ARHGEF3: variants seen among roughly 807,000 people sequenced by gnomAD.
ARHGEF3 encodes the protein 59.8 kDA protein.
ARHGEF3 carries 28 observed loss-of-function variants against 63.2 expected under a neutral mutation model. The ratio of observed to expected loss-of-function variants is 0.44; its 90% CI spans 0.33 to 0.61. The LOEUF is 0.61. Ranked by LOEUF, ARHGEF3 falls within the 20% of genes least tolerant of loss-of-function variation. ARHGEF3 has a pLI of 0.03. For synonymous variants in ARHGEF3, 266 were observed against 254.2 expected (o/e 1.05, Z -0.44); for missense variants, 533 against 659.3 (o/e 0.81, Z 2.10).
chr3:56,984,622 T>G (rs1244026072), intron 2 of ARHGEF3, among the ~76,000 whole-genome samples: 5 of 152,254 alleles, frequency 3.3e-5, no homozygotes, highest in African/African-American at 1.2e-4. Flanking sequence ...GGCATAACTT[T>G]TTAAAAAATC....
intron 1 of ARHGEF3, chr3:57,073,453 G>A (rs1022886463): frequency 5.9e-6 from 3 of 506,864 alleles, no homozygotes; most frequent in African/African-American, 5.8e-5. Flanking sequence ...GAGCTTCCAA[G>A]TAGTGGAAAC....
chr3:57,014,668 T>C (rs913725325), intron 2 of ARHGEF3, among the ~76,000 whole-genome samples: 2 of 146,700 alleles, frequency 1.4e-5, no homozygotes, highest in African/African-American at 4.9e-5. Flanking sequence ...AAGCAAATAT[T>C]TATAAAGCTT....
intron 4 of ARHGEF3, among the ~76,000 whole-genome samples, chr3:56,859,465 G>A (rs2039993575): frequency 6.6e-6 from 1 of 151,272 alleles, no homozygotes; most frequent in Non-Finnish European, 1.5e-5. Flanking sequence ...AATAATAAAA[G>A]CACACCACCT....
chr3:56,908,350 C>A (rs939312434), intron 3 of ARHGEF3, among the ~76,000 whole-genome samples: 1 of 152,256 alleles, frequency 6.6e-6, no homozygotes, highest in African/African-American at 2.4e-5. Context: ...CTGTAATCCA[C>A]CTTCCACCCA....
intron 4 of ARHGEF3, among the ~76,000 whole-genome samples, chr3:56,816,858 A>G (rs2038292165): frequency 6.6e-6 from 1 of 152,224 alleles, no homozygotes; most frequent in Admixed American, 6.5e-5. Context: ...GGGAGTCCTG[A>G]GGCCAGAGCC....
At chr3:56,955,181 CT>C (rs56851084) in intron 3 of ARHGEF3, among the ~76,000 whole-genome samples, 32,594 of 143,078 alleles carry the variant, frequency 0.23, 3,672 homozygotes, top group Middle Eastern at 0.38. Flanking sequence ...GATCCTTTTT[CT>C]TTTTTTTTTT....
In ARHGEF3 at chr3:57,068,174, C is replaced by CACACAG. The variant is rs1258690581; in HGVS notation, c.-28+11051_-28+11052insCTGTGT. ...ATATGCGCGCACACACACATACACA[C>CACACAG]ACACACACACACACACCAGGTTACC... On this transcript the variant is annotated intron_variant, in intron 1 of 12. Coordinates refer to the ARHGEF3 transcript ENST00000338458. Among the ~76,000 whole-genome samples the CACACAG allele has an allele frequency of 9.0e-3, 1,367 of 151,508 alleles. 31 individuals are homozygous for CACACAG. The highest frequency in any genetic ancestry group is 0.031 in the African/African-American group (1,299 of 41,258).
intron 3 of ARHGEF3, among the ~76,000 whole-genome samples, chr3:56,884,543 T>G (rs1007050880): frequency 4.6e-5 from 7 of 152,208 alleles, no homozygotes; most frequent in African/African-American, 1.7e-4. Flanking sequence ...GATTCAGAGA[T>G]GCTGATGCCA....
chr3:57,002,684 C>A (rs1480519304), intron 2 of ARHGEF3, among the ~76,000 whole-genome samples: 1 of 148,462 alleles, frequency 6.7e-6, no homozygotes, highest in African/African-American at 2.5e-5. Context: ...CACATTATTT[C>A]GTCACCCAGG....
intron 4 of ARHGEF3, among the ~76,000 whole-genome samples, chr3:56,810,396 T>C (rs1178979309): frequency 6.6e-6 from 1 of 151,804 alleles, no homozygotes; most frequent in African/African-American, 2.4e-5. Flanking sequence ...ATAGACAAAG[T>C]AACTGGCATG....
chr3:56,774,991 A>C (rs2036215151), intron 1 of ARHGEF3: 12 of 1,499,834 alleles, frequency 8.0e-6, no homozygotes, highest in Non-Finnish European at 1.1e-5. Context: ...AGACAAAGAG[A>C]AGAGTTACCC....
chr3:56,853,692 T>A (rs1439860161), intron 4 of ARHGEF3, among the ~76,000 whole-genome samples: 1 of 152,178 alleles, frequency 6.6e-6, no homozygotes, highest in Non-Finnish European at 1.5e-5. Context: ...ATGAATGCTT[T>A]AAAATTTATA....
chr3:57,023,714 C>G (rs1229895667), intron 2 of ARHGEF3, among the ~76,000 whole-genome samples: 1 of 152,188 alleles, frequency 6.6e-6, no homozygotes, highest in Non-Finnish European at 1.5e-5. Context: ...ACACACTGCC[C>G]CTTCCACATG....
chr3:56,854,752 G>C (rs2039807562), intron 4 of ARHGEF3, among the ~76,000 whole-genome samples: 1 of 125,744 alleles, frequency 8.0e-6, no homozygotes, highest in Non-Finnish European at 1.6e-5. Flanking sequence ...TATTTGGGGG[G>C]ATGCAAATAC....
At chr3:56,784,079 C>T (rs1271402264) in intron 1 of ARHGEF3, among the ~76,000 whole-genome samples, 1 of 152,208 alleles carries the variant, frequency 6.6e-6, no homozygotes, top group Non-Finnish European at 1.5e-5. Flanking sequence ...ATGCTACAGA[C>T]CTTCAGAGAA....
chr3:56,939,304 C>T (rs762516073), intron 3 of ARHGEF3, among the ~76,000 whole-genome samples: 2 of 152,194 alleles, frequency 1.3e-5, no homozygotes, highest in Non-Finnish European at 2.9e-5. Context: ...TAGGTATGTT[C>T]CCTCAGTTCT....
At chr3:56,770,411 AAAATTAAATT>A (rs532232575) in intron 2 of ARHGEF3, among the ~76,000 whole-genome samples, 3,210 of 147,788 alleles carry the variant, frequency 0.022, 96 homozygotes, top group East Asian at 0.12. Context: ...CTCTGTCTCG[AAAATTAAATT>A]AAATTAAATT....
intron 6 of ARHGEF3, among the ~76,000 whole-genome samples, chr3:56,749,520 T>A (rs1457322239): frequency 6.6e-6 from 1 of 152,138 alleles, no homozygotes; most frequent in Non-Finnish European, 1.5e-5. Flanking sequence ...TACCCCCATA[T>A]CAAAGCAGTC....
At chr3:56,938,140 G>A (rs542471542) in intron 3 of ARHGEF3, among the ~76,000 whole-genome samples, 28 of 152,258 alleles carry the variant, frequency 1.8e-4, no homozygotes, top group Admixed American at 9.2e-4. Context: ...CCAGCACCAC[G>A]TGGGAGTTGG....
Sources: allele counts gnomAD v4.1 joint callset (sites outside exome capture counted in the v4.1 genomes callset), GRCh38; gene constraint gnomAD v4.1.1; transcripts MANE v1.5; gene names NCBI Gene and HGNC (gene_info 2026-07-23, HGNC 2026-07-21).